The following SIPA1L2 variants were observed in gnomAD, a reference collection of about 807,000 sequenced individuals.
The protein encoded by SIPA1L2 is signal-induced proliferation-associated 1-like protein 2.
In SIPA1L2, 56 loss-of-function variants were observed where a neutral mutation model predicts 163.9. The observed-to-expected ratio is 0.34, with a 90% CI of 0.28 to 0.43. SIPA1L2 has a LOEUF of 0.43. Ranked by LOEUF, SIPA1L2 falls within the 20% of genes least tolerant of loss-of-function variation. The pLI is 1.00. For synonymous variants in SIPA1L2, 877 were observed against 865.7 expected (o/e 1.01, Z -0.23); for missense variants, 1,974 against 2,193.5 (o/e 0.90, Z 2.00).
At chr1:232,532,844 G>A (rs1558250093) in intron 2 of SIPA1L2, among the ~76,000 whole-genome samples, 1 of 152,166 alleles carries the variant, frequency 6.6e-6, no homozygotes, top group Non-Finnish European at 1.5e-5. Context: ...GTACAGCAGA[G>A]CAATGAGATG....
chr1:232,466,468 T>C (rs1011682202), intron 8 of SIPA1L2, among the ~76,000 whole-genome samples: 6 of 152,186 alleles, frequency 3.9e-5, no homozygotes, highest in Non-Finnish European at 5.9e-5. Flanking sequence ...CTGCATAAGA[T>C]AAATTATACA....
At chr1:232,402,505 A>C (rs1383017208) in intron 21 of SIPA1L2, 32 bp from the exon 22 acceptor site, 4 of 1,587,564 alleles carry the variant, frequency 2.5e-6, no homozygotes, top group Non-Finnish European at 3.4e-6. Flanking sequence ...AGAAAGATTC[A>C]AGAGAGTCAA....
Position 232,514,932 on chromosome 1 carries a change from C to A in SIPA1L2, c.408G>T (p.Glu136Asp). 1 of 1,614,078 alleles carries A rather than the reference C, an allele frequency of 6.2e-7. No individual in the cohort carries two copies. Among genetic ancestry groups the A allele is most frequent in the East Asian group, 2.2e-5 (1 of 44,874 alleles). The stretch of plus-strand genomic sequence containing the variant: ...AGATGTCTCCGATTGTGTACTTGGC[C>A]TCCACGAAGTCCAGATCGAGCTGTT... ...QDEQLDLDFV[E>D]AKYTIGDIFV... The change falls in exon 3 of 23, where the codon GAG (glutamate) becomes GAT (aspartate). Residue 136 changes from glutamate to aspartate, a missense_variant. This residue lies in a region of SIPA1L2 where 607 missense variants were observed against 624.0 expected (regional missense o/e 0.97). Coordinates refer to ENST00000674635, the MANE Select transcript of SIPA1L2 (RefSeq NM_020808.5).
intron 4 of SIPA1L2, among the ~76,000 whole-genome samples, chr1:232,493,042 GT>G (rs71162246): frequency 0.25 from 38,223 of 152,030 alleles, 4,942 homozygotes; most frequent in Admixed American, 0.35. Context: ...GATCACAGAG[GT>G]TGAATTTTCC....
At chr1:232,420,727 C>T (rs755985079) in intron 18 of SIPA1L2, among the ~76,000 whole-genome samples, 6 of 152,052 alleles carry the variant, frequency 3.9e-5, no homozygotes, top group South Asian at 2.1e-4. Context: ...CCCAGCTACT[C>T]GGGGGGCTGA....
chr1:232,469,835 C>G (rs1664709895), intron 8 of SIPA1L2, among the ~76,000 whole-genome samples: 1 of 148,836 alleles, frequency 6.7e-6, no homozygotes, highest in Non-Finnish European at 1.5e-5. Flanking sequence ...TTAAACAACT[C>G]AGTTTTTTAA....
At chr1:232,532,906 C>T (rs1019033540) in intron 2 of SIPA1L2, among the ~76,000 whole-genome samples, 2 of 152,180 alleles carry the variant, frequency 1.3e-5, no homozygotes, top group Non-Finnish European at 1.5e-5. Flanking sequence ...ACTAAGGTCC[C>T]TGAAATACAG....
chr1:232,482,312 T>C (rs970618604), intron 6 of SIPA1L2, among the ~76,000 whole-genome samples: 2 of 152,128 alleles, frequency 1.3e-5, no homozygotes, highest in Non-Finnish European at 2.9e-5. Flanking sequence ...TCCAATTCAC[T>C]GAAGAGAGAC....
chr1:232,467,361 A>C (rs992644446), intron 8 of SIPA1L2, among the ~76,000 whole-genome samples: 18 of 152,198 alleles, frequency 1.2e-4, no homozygotes, highest in Non-Finnish European at 2.4e-4. Context: ...AAAGGTCCTT[A>C]AAAACATCAC....
intron 1 of SIPA1L2, among the ~76,000 whole-genome samples, chr1:232,583,590 G>A (rs1056962263): frequency 1.3e-5 from 2 of 152,066 alleles, no homozygotes; most frequent in Non-Finnish European, 2.9e-5. Flanking sequence ...TTTCAAGACT[G>A]GGGAATTCTA....
At chr1:232,555,840 A>G (rs1360583170) in intron 2 of SIPA1L2, among the ~76,000 whole-genome samples, 1 of 152,214 alleles carries the variant, frequency 6.6e-6, no homozygotes, top group Admixed American at 6.5e-5. Context: ...CAAATTCTCT[A>G]TTACAGAAAA....
rs1198366771 is a variant in SIPA1L2, at chr1:232,450,150, CTG to C, written c.3096-4366_3096-4365del. Among the ~76,000 whole-genome samples, 6 of 152,300 alleles carry C rather than the reference CTG, an allele frequency of 3.9e-5. No individual in the cohort carries two copies. The East Asian group carries it at 9.7e-4, about 25-fold the overall frequency. ...TTAGTTCTTATCCTTTATTTTAACT[CTG>C]TTTCCCTTCCTGAAAGTAAAATTCA... On this transcript the variant is annotated intron_variant, in intron 10 of 22. Coordinates refer to ENST00000674635, the MANE Select transcript of SIPA1L2 (RefSeq NM_020808.5).
At chr1:232,622,596 A>C (rs1269297875) in intron 1 of SIPA1L2, among the ~76,000 whole-genome samples, 1 of 152,208 alleles carries the variant, frequency 6.6e-6, no homozygotes, top group Non-Finnish European at 1.5e-5. Flanking sequence ...GGTGTGAATC[A>C]TACTCTCTCA....
At position 232,610,417 on chromosome 1, in the gene SIPA1L2, C is replaced by T. The variant is rs531292093; in HGVS notation, c.-319+19452G>A. 3.9e-5 allele frequency among the ~76,000 whole-genome samples: 6 copies of T among 152,182 alleles called. No homozygotes were observed. In the East Asian group the frequency reaches 5.8e-4, roughly 15 times the overall value. ...AGGGCCCCACCAGCACTGGGCTGGA[C>T]GCCAGGTTTCCAGGGCTAAAGCAAG... On this transcript the variant is annotated intron_variant, in intron 1 of 22. Transcript: ENST00000674635.
At chr1:232,435,068 G>C (rs1172511655) in intron 15 of SIPA1L2, among the ~76,000 whole-genome samples, 3 of 152,216 alleles carry the variant, frequency 2.0e-5, no homozygotes, top group African/African-American at 7.2e-5. Flanking sequence ...CACTACCCGT[G>C]TGTCTCATGT....
At chr1:232,520,061 T>C (rs540920881) in intron 2 of SIPA1L2, among the ~76,000 whole-genome samples, 3 of 152,318 alleles carry the variant, frequency 2.0e-5, no homozygotes, top group African/African-American at 4.8e-5. Context: ...ATTCTGACCA[T>C]CTGGAGGGTG....
intron 3 of SIPA1L2, among the ~76,000 whole-genome samples, chr1:232,494,529 ACTCTATT>A (rs1666082590): frequency 6.6e-6 from 1 of 152,178 alleles, no homozygotes; most frequent in African/African-American, 2.4e-5. Flanking sequence ...TGAAGCAAAT[ACTCTATT>A]CTGAACCCTT....
intron 1 of SIPA1L2, among the ~76,000 whole-genome samples, chr1:232,574,874 A>G (rs1024937269): frequency 2.0e-5 from 3 of 152,216 alleles, no homozygotes; most frequent in Non-Finnish European, 2.9e-5. Flanking sequence ...AACACTTTAT[A>G]TATGTTATTT....
chr1:232,537,488 T>C (rs960431435), intron 2 of SIPA1L2, among the ~76,000 whole-genome samples: 2 of 147,100 alleles, frequency 1.4e-5, no homozygotes, highest in Non-Finnish European at 3.0e-5. Context: ...ATTCAAAAGA[T>C]AAAAAAAAAA....
Sources: allele counts gnomAD v4.1 joint callset (sites outside exome capture counted in the v4.1 genomes callset), GRCh38; gene constraint gnomAD v4.1.1; regional missense constraint gnomAD v4.1.1; transcripts MANE v1.5; gene names NCBI Gene and HGNC (gene_info 2026-07-23, HGNC 2026-07-21).